Variants in TRIO observed in about 807,000 individuals in gnomAD.
TRIO encodes the protein trio Rho guanine nucleotide exchange factor.
TRIO carries 58 observed loss-of-function variants against 351.9 expected under a neutral mutation model. The observed-to-expected ratio is 0.16, with a 90% CI of 0.13 to 0.21. TRIO has a LOEUF of 0.21. Ranked by LOEUF, TRIO falls within the 10% of genes least tolerant of loss-of-function variation. TRIO has a pLI of 1.00. For missense variants in TRIO, 3,201 were observed against 4,027.8 expected (o/e 0.79, Z 5.56); for synonymous variants, 1,758 against 1,595.7 (o/e 1.10, Z -2.42).
chr5:14,350,075 T>C (rs1219986915), intron 11 of TRIO, among the ~76,000 whole-genome samples: 3 of 152,136 alleles, frequency 2.0e-5, no homozygotes. Flanking sequence ...TATGACTGCA[T>C]AGTATACTCT....
intron 34 of TRIO, among the ~76,000 whole-genome samples, chr5:14,443,178 C>G (rs1752195495): frequency 6.6e-6 from 1 of 152,086 alleles, no homozygotes; most frequent in Non-Finnish European, 1.5e-5. Context: ...TTAAGAAGCT[C>G]TAGGTGGTGT....
At chr5:14,503,140 G>A (rs1001933299) in intron 54 of TRIO, among the ~76,000 whole-genome samples, 9 of 152,258 alleles carry the variant, frequency 5.9e-5, no homozygotes, top group Admixed American at 5.9e-4. Context: ...GCCCAGCAGT[G>A]CCATCAGACA....
rs867594968 is a variant in TRIO, at chr5:14,498,334, G to A, written c.8210+83G>A. Reference sequence around the variant, plus strand: ...GGCAACTGGAAATTCCTCCTTCACGGATGGATTTCTTTGGCTGCCTTCGGC... The same window carrying A: ...GGCAACTGGAAATTCCTCCTTCACGAATGGATTTCTTTGGCTGCCTTCGGC... On this transcript the variant is annotated intron_variant, in intron 52 of 56. Transcript: ENST00000344204. 8 of 1,561,784 alleles carry A rather than the reference G, an allele frequency of 5.1e-6. No individual in the cohort carries two copies. The Middle Eastern group carries it at 1.5e-3, about 302-fold the overall frequency.
At chr5:14,489,512 C>T (rs912034093) in intron 48 of TRIO, among the ~76,000 whole-genome samples, 5 of 152,150 alleles carry the variant, frequency 3.3e-5, no homozygotes, top group African/African-American at 1.2e-4. Flanking sequence ...GGGCTATACC[C>T]GTCAGCACTT....
At chr5:14,263,924 T>C (rs921120626) in intron 1 of TRIO, among the ~76,000 whole-genome samples, 1 of 152,190 alleles carries the variant, frequency 6.6e-6, no homozygotes, top group Non-Finnish European at 1.5e-5. Flanking sequence ...TGTGCATAGC[T>C]CTGTGCTTGT....
rs1165155084 is a variant in TRIO at position 14,152,359 on chromosome 5, T to TG, written c.157+8477_157+8478insG. ...CATGGGGGCAGGATGTATTTCAGTTTTTTTGTTTGTTTGTTTGTTTGTTTG... is the reference window on the plus strand; with the variant it reads ...CATGGGGGCAGGATGTATTTCAGTTTGTTTTGTTTGTTTGTTTGTTTGTTTG... On this transcript the variant is annotated intron_variant, in intron 1 of 56. Coordinates refer to ENST00000344204, the MANE Select transcript of TRIO (RefSeq NM_007118.4). 1.6e-3 allele frequency among the ~76,000 whole-genome samples: 218 copies of TG among 139,190 alleles called. 2 individuals are homozygous for TG. In the East Asian group the frequency reaches 0.028, roughly 18 times the overall value. 91.3% of individuals were successfully genotyped at this position (139,190 alleles called of 152,430 possible).
At chr5:14,402,196 G>A (rs1428903647) in intron 31 of TRIO, among the ~76,000 whole-genome samples, 1 of 152,142 alleles carries the variant, frequency 6.6e-6, no homozygotes, top group Non-Finnish European at 1.5e-5. Flanking sequence ...CTCAAAACCT[G>A]GAAACTTGCA....
At chr5:14,247,563 A>G (rs1794509320) in intron 1 of TRIO, among the ~76,000 whole-genome samples, 1 of 152,192 alleles carries the variant, frequency 6.6e-6, no homozygotes, top group Non-Finnish European at 1.5e-5. Flanking sequence ...ACTGAATTTT[A>G]TGGTAGATTC....
chr5:14,222,717 T>A (rs1039343315), intron 1 of TRIO, among the ~76,000 whole-genome samples: 4 of 152,166 alleles, frequency 2.6e-5, no homozygotes, highest in African/African-American at 9.7e-5. Context: ...ACATGTGAAG[T>A]TTTAAACCTT....
chr5:14,499,825 G>T (rs1480790201), intron 53 of TRIO, among the ~76,000 whole-genome samples: 1 of 151,968 alleles, frequency 6.6e-6, no homozygotes, highest in East Asian at 1.9e-4. Context: ...GCCGAGGTGG[G>T]TGGATCACCA....
intron 9 of TRIO, among the ~76,000 whole-genome samples, chr5:14,324,857 A>G (rs922553016): frequency 1.5e-4 from 23 of 152,338 alleles, no homozygotes; most frequent in African/African-American, 4.3e-4. Context: ...ATGCATGGCT[A>G]TTTCTATAGC....
rs73057575 is a variant in TRIO at position 14,259,433 on chromosome 5, G to A, written c.158-11392G>A. On this transcript the variant is annotated intron_variant, in intron 1 of 56. Coordinates refer to ENST00000344204, the MANE Select transcript of TRIO (RefSeq NM_007118.4). ...TTTCTCTTTTCTCTTTGTTTTCTGC[G>A]TTAGCAGATGCATTACTTTTCTCAA... is the stretch of plus-strand genomic sequence containing the variant. Among the ~76,000 whole-genome samples, 543 of 152,332 alleles carry A rather than the reference G, an allele frequency of 3.6e-3. 2 individuals are homozygous for A. Among genetic ancestry groups the A allele is most frequent in the African/African-American group, 0.012 (509 of 41,584 alleles).
At chr5:14,203,100 A>T (rs1449425624) in intron 1 of TRIO, among the ~76,000 whole-genome samples, 1 of 152,146 alleles carries the variant, frequency 6.6e-6, no homozygotes, top group Non-Finnish European at 1.5e-5. Flanking sequence ...GTAACTTTTT[A>T]AAAAATGGAG....
At chr5:14,318,187 A>G (rs1486275497) in intron 9 of TRIO, among the ~76,000 whole-genome samples, 1 of 131,768 alleles carries the variant, frequency 7.6e-6, no homozygotes, top group Non-Finnish European at 1.6e-5. Flanking sequence ...CCAGCTACTC[A>G]GGAGGCTGAG....
At chr5:14,168,385 A>C (rs182170855) in intron 1 of TRIO, among the ~76,000 whole-genome samples, 1 of 152,282 alleles carries the variant, frequency 6.6e-6, no homozygotes, top group Non-Finnish European at 1.5e-5. Flanking sequence ...TGAACTAAAT[A>C]GGCTCTCTAC....
intron 1 of TRIO, among the ~76,000 whole-genome samples, chr5:14,156,362 CAG>C (rs1473816156): frequency 6.6e-6 from 1 of 152,252 alleles, no homozygotes; most frequent in African/African-American, 2.4e-5. Flanking sequence ...CTCATTGCTA[CAG>C]AGTTGTCCTT....
chr5:14,419,211 G>A (rs1749907879), intron 33 of TRIO, among the ~76,000 whole-genome samples: 1 of 152,086 alleles, frequency 6.6e-6, no homozygotes, highest in Non-Finnish European at 1.5e-5. Flanking sequence ...AGGGCAGAGG[G>A]CAGAGGGCCT....
intron 7 of TRIO, among the ~76,000 whole-genome samples, chr5:14,298,814 G>A (rs1017067882): frequency 6.6e-6 from 1 of 152,146 alleles, no homozygotes; most frequent in Non-Finnish European, 1.5e-5. Flanking sequence ...CTAATTTTGT[G>A]ATAAAAGATA....
At chr5:14,375,681 C>T (rs559784504) in intron 19 of TRIO, among the ~76,000 whole-genome samples, 2 of 152,164 alleles carry the variant, frequency 1.3e-5, no homozygotes, top group Non-Finnish European at 2.9e-5. Flanking sequence ...TCAGAGGACC[C>T]CCAGGAGCTT....
Sources: allele counts gnomAD v4.1 joint callset (sites outside exome capture counted in the v4.1 genomes callset), GRCh38; gene constraint gnomAD v4.1.1; transcripts MANE v1.5; gene names NCBI Gene and HGNC (gene_info 2026-07-23, HGNC 2026-07-21).